The following SLC8A1 variants were observed in gnomAD, a reference collection of about 807,000 sequenced individuals.
SLC8A1 encodes solute carrier family 8 member A1, also known as sodium/calcium exchanger 1.
Under a neutral mutation model 68.3 loss-of-function variants are expected in SLC8A1, and 18 were observed. The observed-to-expected ratio is 0.26, with a 90% CI of 0.18 to 0.39. The LOEUF (loss-of-function observed/expected upper bound fraction) is 0.39. Ranked by LOEUF, SLC8A1 falls within the 10% of genes least tolerant of loss-of-function variation. The pLI, the probability that SLC8A1 is intolerant of heterozygous loss-of-function variation, is 1.00. For missense variants in SLC8A1, 985 were observed against 1,156.7 expected (o/e 0.85, Z 2.15); for synonymous variants, 475 against 415.5 (o/e 1.14, Z -1.74).
upstream of SLC8A1, among the ~76,000 whole-genome samples, chr2:40,456,174 G>C (rs1262662864): frequency 6.6e-6 from 1 of 152,040 alleles, no homozygotes; most frequent in Non-Finnish European, 1.5e-5. Context: ...AAATTAGCCG[G>C]GCGTGGTGGC....
At chr2:40,127,918 A>C (rs2038494723) in intron 7 of SLC8A1, among the ~76,000 whole-genome samples, 1 of 152,210 alleles carries the variant, frequency 6.6e-6, no homozygotes, top group African/African-American at 2.4e-5. Flanking sequence ...GCACTAACGG[A>C]GTTAGTGTTT....
intron 6 of SLC8A1, among the ~76,000 whole-genome samples, chr2:40,154,063 C>G (rs938615817): frequency 6.6e-6 from 1 of 152,108 alleles, no homozygotes; most frequent in Non-Finnish European, 1.5e-5. Context: ...ATTAGACTCA[C>G]GATGATGGGG....
intron 2 of SLC8A1, among the ~76,000 whole-genome samples, chr2:40,306,351 G>A (rs1221656431): frequency 6.6e-6 from 1 of 151,960 alleles, no homozygotes; most frequent in African/African-American, 2.4e-5. Context: ...TAATATAGAG[G>A]CAGGAATTGA....
chr2:40,148,477 G>A (rs531559718), intron 6 of SLC8A1, among the ~76,000 whole-genome samples: 22 of 152,304 alleles, frequency 1.4e-4, no homozygotes, highest in African/African-American at 5.3e-4. Context: ...GAGCAAAGTG[G>A]TGATGCAAAT....
At chr2:40,495,627 T>C (rs929678207) in intron 1 of SLC8A1, among the ~76,000 whole-genome samples, 1 of 152,036 alleles carries the variant, frequency 6.6e-6, no homozygotes, top group African/African-American at 2.4e-5. Flanking sequence ...ATCTATTATC[T>C]TGCACAACTG....
chr2:40,200,226 ATATATATATAT>A lies in SLC8A1; in HGVS notation c.1809-22382_1809-22372del. Among the ~76,000 whole-genome samples, 2 of 34,028 alleles carry A rather than the reference ATATATATATAT, an allele frequency of 5.9e-5. 1 individual carries two copies. Among genetic ancestry groups the A allele is most frequent in the African/African-American group, 1.9e-4 (2 of 10,286 alleles). 22.3% of individuals were successfully genotyped at this position (34,028 alleles called of 152,430 possible). A position where few individuals can be genotyped will look rare whatever the true frequency, so the allele number is the denominator to read the frequency against. On this transcript the variant is annotated intron_variant, in intron 2 of 7. Coordinates refer to ENST00000406785, the Ensembl canonical transcript of SLC8A1. ...TATATAAATATATATATATTTTTTTATATATATATATAAATATATATATATATATATATATA... is the reference window on the plus strand; with the variant it reads ...TATATAAATATATATATATTTTTTTAAAATATATATATATATATATATATA...
intron 2 of SLC8A1, among the ~76,000 whole-genome samples, chr2:40,338,388 T>C (rs1666690568): frequency 6.6e-6 from 1 of 152,184 alleles, no homozygotes; most frequent in Non-Finnish European, 1.5e-5. Flanking sequence ...TGTGTGTGTA[T>C]GCCTTAAAGC....
At chr2:40,123,916 G>T (rs1437979528) in intron 7 of SLC8A1, among the ~76,000 whole-genome samples, 1 of 152,158 alleles carries the variant, frequency 6.6e-6, no homozygotes, top group Non-Finnish European at 1.5e-5. Context: ...GCACAGATCG[G>T]TGTCCTCTGA....
chr2:40,488,735 G>A (rs1705130340), intron 1 of SLC8A1, among the ~76,000 whole-genome samples: 1 of 152,004 alleles, frequency 6.6e-6, no homozygotes, highest in Non-Finnish European at 1.5e-5. Flanking sequence ...CTTTCTTTGT[G>A]CCGTGTTAAT....
At chr2:40,200,190 A>ATTTT (rs1223917921) in intron 2 of SLC8A1, among the ~76,000 whole-genome samples, 4 of 16,490 alleles carry the variant, frequency 2.4e-4, no homozygotes, top group African/African-American at 4.8e-4. Context: ...ATATATATAT[A>ATTTT]TTTATATATA....
chr2:40,124,742 G>C (rs1319717149), intron 7 of SLC8A1, among the ~76,000 whole-genome samples: 3 of 152,128 alleles, frequency 2.0e-5, no homozygotes, highest in Non-Finnish European at 2.9e-5. Flanking sequence ...AGAAAAATTA[G>C]AAACAATTGT....
At chr2:40,401,016 C>G (rs115622948) in intron 2 of SLC8A1, among the ~76,000 whole-genome samples, 5 of 152,190 alleles carry the variant, frequency 3.3e-5, no homozygotes, top group African/African-American at 1.2e-4. Flanking sequence ...CTTGTATTTG[C>G]ATGGTGTTTT....
intron 6 of SLC8A1, among the ~76,000 whole-genome samples, chr2:40,141,861 C>A (rs552629675): frequency 6.6e-6 from 1 of 152,172 alleles, no homozygotes; most frequent in South Asian, 2.1e-4. Context: ...CAGGGAGATA[C>A]CAGGGATGTG....
At chr2:40,314,847 G>C (rs530347244) in intron 2 of SLC8A1, among the ~76,000 whole-genome samples, 1 of 151,932 alleles carries the variant, frequency 6.6e-6, no homozygotes, top group East Asian at 1.9e-4. Context: ...TATTAATCTT[G>C]TACCCTGCAA....
At chr2:40,322,495 A>G (rs1453141887) in intron 2 of SLC8A1, among the ~76,000 whole-genome samples, 3 of 132,388 alleles carry the variant, frequency 2.3e-5, no homozygotes, top group Non-Finnish European at 4.7e-5. Context: ...CATCTCTACA[A>G]AAGGTTAAAA....
chr2:40,460,502 TA>T (rs1703277081), intron 1 of SLC8A1, among the ~76,000 whole-genome samples: 1 of 152,044 alleles, frequency 6.6e-6, no homozygotes, highest in African/African-American at 2.4e-5. Flanking sequence ...CTGTGGTGAT[TA>T]AAAAAATGAA....
chr2:40,410,115 A>G (rs945995836), intron 2 of SLC8A1, among the ~76,000 whole-genome samples: 2 of 152,140 alleles, frequency 1.3e-5, no homozygotes, highest in African/African-American at 4.8e-5. Context: ...TTTTTAATAA[A>G]TCATGGGGCA....
chr2:40,481,684 A>G (rs1329379875), intron 1 of SLC8A1, among the ~76,000 whole-genome samples: 3 of 152,142 alleles, frequency 2.0e-5, no homozygotes, highest in Admixed American at 6.5e-5. Context: ...TATTCCTGAA[A>G]ATACACCAAC....
intron 7 of SLC8A1, among the ~76,000 whole-genome samples, chr2:40,123,724 A>G (rs1414151241): frequency 6.6e-6 from 1 of 152,252 alleles, no homozygotes; most frequent in Non-Finnish European, 1.5e-5. Flanking sequence ...TGAGGGCAAA[A>G]AGAATCATAA....
Sources: allele counts gnomAD v4.1 joint callset (sites outside exome capture counted in the v4.1 genomes callset), GRCh38; gene constraint gnomAD v4.1.1; transcripts MANE v1.5; gene names NCBI Gene and HGNC (gene_info 2026-07-23, HGNC 2026-07-21).